NGEF: variants seen among roughly 807,000 people sequenced by gnomAD.
NGEF encodes neuronal guanine nucleotide exchange factor, also known as ephexin-1.
In NGEF, 31 loss-of-function variants were observed where a neutral mutation model predicts 80.9. The observed-to-expected ratio is 0.38, with a 90% confidence interval of 0.29 to 0.52. The LOEUF is 0.52. NGEF is among the 20% of genes least tolerant of loss of function. The pLI, the probability that NGEF is intolerant of heterozygous loss-of-function variation, is 0.84. For synonymous variants in NGEF, 371 were observed against 370.2 expected, an observed-to-expected ratio of 1.00 and a Z score of -0.03; for missense variants, 709 against 926.2, an observed-to-expected ratio of 0.77 and a Z score of 3.04.
At chr2:232,898,258 G>T (rs1306943110) in intron 5 of NGEF, among the ~76,000 whole-genome samples, 1 of 152,236 alleles carries the variant, frequency 6.6e-6, no homozygotes. Context: ...AGAAAAGCAT[G>T]CCATTAAACC....
chr2:232,970,357 A>C, intron 2 of NGEF, 29 bp from the exon 3 acceptor site: 1 of 1,410,020 alleles, frequency 7.1e-7, no homozygotes, highest in Non-Finnish European at 9.9e-7. Flanking sequence ...GGAGCAAGTT[A>C]GAAGATACAG....
intron 1 of NGEF, among the ~76,000 whole-genome samples, chr2:232,984,355 G>A (rs748448358): frequency 8.6e-5 from 13 of 151,732 alleles, no homozygotes; most frequent in Non-Finnish European, 1.8e-4. Context: ...GCCTCCCAAA[G>A]TGCTGGAATT....
intron 5 of NGEF, among the ~76,000 whole-genome samples, chr2:232,918,461 G>A (rs1349313687): frequency 6.6e-6 from 1 of 152,014 alleles, no homozygotes; most frequent in Admixed American, 6.6e-5. Context: ...TATTGTAACG[G>A]ATTTGTTTGC....
At chr2:232,932,502 G>A (rs1462726527) in intron 3 of NGEF, among the ~76,000 whole-genome samples, 2 of 151,988 alleles carry the variant, frequency 1.3e-5, no homozygotes, top group Non-Finnish European at 2.9e-5. Context: ...GGCGATCTAG[G>A]CTTTTTTTCT....
rs149745373 is a variant in NGEF at position 232,974,186 on chromosome 2, G to A, written c.268+437C>T. Among the ~76,000 whole-genome samples the A allele has an allele frequency of 1.4e-4, 21 of 152,266 alleles. No individual in the cohort carries two copies. The East Asian group carries it at 3.5e-3, about 25-fold the overall frequency. ...AGTCTTGCTGCAAATCTATTCCCAA[G>A]GTTTTAATCTCATTTATTTTCAGAG... On this transcript the variant is annotated intron_variant, in intron 2 of 14. Coordinates refer to ENST00000264051, the MANE Select transcript of NGEF (RefSeq NM_019850.3).
intron 1 of NGEF, 85 bp downstream of exon 1, chr2:233,012,983 C>T (rs1266660709): frequency 2.6e-5 from 12 of 462,258 alleles, no homozygotes; most frequent in Admixed American, 2.0e-4. Flanking sequence ...ATCTCCTTTC[C>T]TACCTGTCCT....
chr2:232,926,338 ATTTT>A (rs3038717), intron 4 of NGEF, among the ~76,000 whole-genome samples: 5 of 148,994 alleles, frequency 3.4e-5, no homozygotes, highest in South Asian at 2.1e-4. Flanking sequence ...GTCACTAGCG[ATTTT>A]TTTTTTTTTT....
At chr2:232,924,394 G>T (rs1269077514) in intron 4 of NGEF, among the ~76,000 whole-genome samples, 3 of 152,022 alleles carry the variant, frequency 2.0e-5, no homozygotes, top group African/African-American at 7.3e-5. Context: ...CGTGATCTTG[G>T]ACTTCCCAAC....
At chr2:232,928,146 G>C (rs1452258894) in intron 3 of NGEF, 2 of 987,700 alleles carry the variant, frequency 2.0e-6, no homozygotes, top group Non-Finnish European at 2.4e-6. Flanking sequence ...CACCGCTGCC[G>C]AGCACTCCCG....
intron 3 of NGEF, among the ~76,000 whole-genome samples, chr2:232,929,427 A>G (rs1460148605): frequency 1.3e-5 from 2 of 152,172 alleles, no homozygotes; most frequent in Non-Finnish European, 2.9e-5. Context: ...TGACTTCCCC[A>G]GCTTTGACTC....
chr2:233,002,709 T>C (rs1174739910), intron 1 of NGEF, among the ~76,000 whole-genome samples: 1 of 152,174 alleles, frequency 6.6e-6, no homozygotes, highest in Non-Finnish European at 1.5e-5. Flanking sequence ...AGCAATTGAT[T>C]GACGTTCAGG....
chr2:232,975,313 G>A (rs188451887), intron 1 of NGEF, among the ~76,000 whole-genome samples: 47 of 152,292 alleles, frequency 3.1e-4, no homozygotes, highest in Admixed American at 3.1e-3. Context: ...GAGAGGGACC[G>A]TAAATGTCTA....
rs1433876940 is a variant in NGEF, at chr2:232,995,123, A to G, written c.-75+17945T>C. ...TGTACAGTATGTATATGTGTACAGTATGTATATATGTACAGTATGTATATA... is the reference window on the plus strand; with the variant it reads ...TGTACAGTATGTATATGTGTACAGTGTGTATATATGTACAGTATGTATATA... On this transcript the variant is annotated intron_variant, in intron 1 of 14. Coordinates refer to ENST00000264051, the MANE Select transcript of NGEF (RefSeq NM_019850.3). 1.4e-3 allele frequency among the ~76,000 whole-genome samples: 9 copies of G among 6,646 alleles called. 1 individual carries two copies. The highest frequency in any genetic ancestry group is 4.7e-3 in the African/African-American group (7 of 1,474). 4.4% of individuals were successfully genotyped at this position (6,646 alleles called of 152,430 possible).
In NGEF at chr2:232,879,077, A is replaced by AC. The variant is rs1691393537; in HGVS notation, c.*411_*412insG. The AC allele has an allele frequency of 6.2e-6, 1 of 161,450 alleles. No individual in the cohort carries two copies. The highest frequency in any genetic ancestry group is 1.4e-5 in the Non-Finnish European group (1 of 73,744). 10.0% of individuals were successfully genotyped at this position (161,450 alleles called of 1,614,324 possible). ...TAGATTCTAACTGCTTCCAAGGTAGAGGAGGACGCGTGCAGGAAATCGTGT... is the reference window on the plus strand; with the variant it reads ...TAGATTCTAACTGCTTCCAAGGTAGACGGAGGACGCGTGCAGGAAATCGTGT... On this transcript the variant is annotated 3_prime_UTR_variant, in exon 15 of 15. Coordinates refer to ENST00000264051, the MANE Select transcript of NGEF (RefSeq NM_019850.3).
chr2:232,890,612 AC>A (rs1008976377), intron 8 of NGEF, among the ~76,000 whole-genome samples: 6 of 151,150 alleles, frequency 4.0e-5, no homozygotes, highest in Non-Finnish European at 5.9e-5. Flanking sequence ...ACGGCTGCAC[AC>A]CCCCAAACTG....
rs1691929341 is a variant in NGEF, at chr2:232,892,943, T to C, written c.1097A>G (p.Tyr366Cys). Residue 366 changes from tyrosine (Y) to cysteine (C), a missense_variant, in exon 7 of 15, where the codon TAC (tyrosine) becomes TGC (cysteine). By Grantham distance (194) the Tyr-to-Cys change is radical. Around this residue, in one of 2 missense-constraint regions of NGEF, gnomAD observed 426 missense variants for 622.9 expected, o/e 0.68. Coordinates refer to ENST00000264051, the MANE Select transcript of NGEF (RefSeq NM_019850.3). The surrounding 1 kb of genome is among the most constrained non-coding windows in gnomAD (Gnocchi z 4.0). ...CTCCTGGTAGGTCTGATTGCTGACG[T>C]AGGTGATGTAGACAGAGAAGTGGTC... is the stretch of plus-strand genomic sequence containing the variant. ...AADHFSVYIT[Y>C]VSNQTYQERT... 1 of 1,613,516 alleles carries C rather than the reference T, an allele frequency of 6.2e-7. No individual in the cohort carries two copies. The highest frequency in any genetic ancestry group is 8.5e-7 in the Non-Finnish European group (1 of 1,179,936).
At chr2:232,912,806 T>C (rs1310721399) in intron 5 of NGEF, among the ~76,000 whole-genome samples, 3 of 152,226 alleles carry the variant, frequency 2.0e-5, no homozygotes, top group African/African-American at 4.8e-5. Context: ...GAATTGTTCA[T>C]AATATTTCCT....
chr2:232,954,448 G>A (rs370013209), intron 3 of NGEF, among the ~76,000 whole-genome samples: 8 of 152,150 alleles, frequency 5.3e-5, no homozygotes, highest in South Asian at 2.1e-4. Context: ...AGTTCCAGCC[G>A]GGCGCAGTGG....
chr2:232,993,040 T>C lies in NGEF; in HGVS notation c.-74-18076A>G, dbSNP rs11897116. Among the ~76,000 whole-genome samples the C allele has an allele frequency of 4.3e-5, 6 of 139,178 alleles. No individual in the cohort carries two copies. The South Asian group carries it at 1.1e-3, about 26-fold the overall frequency. The allele number at this position is 139,178 out of a possible 152,430, so 91.3% of individuals were successfully genotyped here. A position where few individuals can be genotyped will look rare whatever the true frequency, so the allele number is the denominator to read the frequency against. On this transcript the variant is annotated intron_variant, in intron 1 of 14. Coordinates refer to ENST00000264051, the MANE Select transcript of NGEF (RefSeq NM_019850.3). Reference sequence around the variant, plus strand: ...ACACACGCACATAAATATATAAATATATATATTCAAAAATATACATATATA... The same window carrying C: ...ACACACGCACATAAATATATAAATACATATATTCAAAAATATACATATATA...
Sources: gnomAD v4.1 joint callset for allele counts (sites outside exome capture counted in the v4.1 genomes callset) on GRCh38, gnomAD v4.1.1 for gene constraint, gnomAD v4.1.1 regional missense constraint, Gnocchi (gnomAD v3.1) non-coding constraint, MANE v1.5 for transcripts, NCBI Gene and HGNC (gene_info 2026-07-23, HGNC 2026-07-21) for gene names.